The following MAP4 variants were observed in gnomAD, a reference collection of about 807,000 sequenced individuals.
MAP4 encodes microtubule-associated protein 4.
A neutral mutation model predicts 170.2 loss-of-function variants in MAP4; 76 were observed. The observed-to-expected ratio is 0.45, with a 90% CI of 0.37 to 0.54. The LOEUF is 0.54. MAP4 is among the 20% of genes least tolerant of loss of function. The pLI, the probability that MAP4 is intolerant of heterozygous loss-of-function variation, is 0.00. For synonymous variants in MAP4, 909 were observed against 994.5 expected (o/e 0.91, Z 1.62); for missense variants, 2,506 against 2,748.0 (o/e 0.91, Z 1.97).
intron 1 of MAP4, among the ~76,000 whole-genome samples, chr3:48,027,929 A>G (rs2100113960): frequency 6.6e-6 from 1 of 152,216 alleles, no homozygotes. Context: ...GCCTCTGTAG[A>G]TACCCATTCA....
At chr3:47,866,319 AG>A (rs2079887012) in intron 17 of MAP4, among the ~76,000 whole-genome samples, 1 of 151,884 alleles carries the variant, frequency 6.6e-6, no homozygotes, top group Non-Finnish European at 1.5e-5. Context: ...CCTGGGCAAC[AG>A]AGTGAACTCT....
intron 1 of MAP4, among the ~76,000 whole-genome samples, chr3:48,073,412 G>C (rs369934826): frequency 5.9e-5 from 9 of 151,710 alleles, no homozygotes; most frequent in African/African-American, 2.2e-4. Context: ...GGGAGTATGA[G>C]ATCAGCCTGA....
At chr3:48,030,798 CAAAAAAAAAAAAAAAA>C (rs71625847) in intron 1 of MAP4, among the ~76,000 whole-genome samples, 1 of 29,062 alleles carries the variant, frequency 3.4e-5, no homozygotes, top group Non-Finnish European at 6.4e-5. Context: ...GACTCCATCT[CAAAAAAAAAAAAAAAA>C]AAAAAAAAAA....
At chr3:48,030,776 G>A (rs2100115639) in intron 1 of MAP4, among the ~76,000 whole-genome samples, 1 of 130,572 alleles carries the variant, frequency 7.7e-6, no homozygotes, top group Non-Finnish European at 1.6e-5. Flanking sequence ...TCCAGCCTGG[G>A]CGACAGAGTA....
chr3:47,984,669 TA>T lies in MAP4; in HGVS notation c.224-6737del, dbSNP rs534215967. Among the ~76,000 whole-genome samples the T allele has an allele frequency of 9.4e-3, 1,354 of 143,368 alleles. 3 individuals are homozygous for T. Among genetic ancestry groups the T allele is most frequent in the Non-Finnish European group, 0.013 (813 of 64,916 alleles). 94.1% of individuals were successfully genotyped at this position (143,368 alleles called of 152,430 possible). A position where few individuals can be genotyped will look rare whatever the true frequency, so the allele number is the denominator to read the frequency against. On this transcript the variant is annotated intron_variant, in intron 2 of 20. Coordinates refer to ENST00000683076, the MANE Select transcript of MAP4 (RefSeq NM_001385682.1). ...TAACATCACAAAACCCTGTCTCTAT[TA>T]AAAAAAAAAAAATACACAAATTAAC...
intron 10 of MAP4, among the ~76,000 whole-genome samples, chr3:47,889,803 C>T (rs530709113): frequency 2.5e-4 from 38 of 152,188 alleles, no homozygotes; most frequent in Non-Finnish European, 2.9e-4. Flanking sequence ...AAGGAAGCAA[C>T]AGCATGGGAC....
chr3:47,977,048 A>T (rs1376938397), intron 3 of MAP4, among the ~76,000 whole-genome samples: 3 of 152,184 alleles, frequency 2.0e-5, no homozygotes, highest in Non-Finnish European at 4.4e-5. Flanking sequence ...AATAATATGA[A>T]TCAAATGTAT....
In MAP4 at chr3:47,947,704, G is replaced by A. The variant is rs191167033; in HGVS notation, c.293-19354C>T. 1.1e-4 allele frequency among the ~76,000 whole-genome samples: 17 copies of A among 151,230 alleles called. No homozygotes were observed. In the East Asian group the frequency reaches 2.8e-3, roughly 25 times the overall value. On this transcript the variant is annotated intron_variant, in intron 3 of 20. Transcript: ENST00000683076. ...TGGGCGCCTGTAGTCCCAGTTACTC[G>A]GGAGGCTGAGGCAAGAGAATTGCTT... is the stretch of plus-strand genomic sequence containing the variant.
chr3:47,937,470 T>C (rs1365926567), intron 3 of MAP4, among the ~76,000 whole-genome samples: 2 of 152,142 alleles, frequency 1.3e-5, no homozygotes, highest in African/African-American at 4.8e-5. Flanking sequence ...ATAGGATTAA[T>C]ATATTTGTCT....
At chr3:47,861,334 T>G (rs1576676935) in intron 17 of MAP4, among the ~76,000 whole-genome samples, 2 of 148,464 alleles carry the variant, frequency 1.3e-5, no homozygotes, top group Non-Finnish European at 3.0e-5. Context: ...CCACCCTGGG[T>G]GACAAAACGA....
upstream of MAP4, among the ~76,000 whole-genome samples, chr3:48,019,545 A>G (rs1437147674): frequency 6.6e-6 from 1 of 152,160 alleles, no homozygotes; most frequent in African/African-American, 2.4e-5. Flanking sequence ...AAGAATATTC[A>G]TACTTGATCA....
At chr3:47,870,514 CCT>C (rs1203418014) in intron 15 of MAP4, among the ~76,000 whole-genome samples, 7 of 152,170 alleles carry the variant, frequency 4.6e-5, no homozygotes, top group Non-Finnish European at 7.3e-5. Flanking sequence ...TCTGAGGCCT[CCT>C]CTGTTTCTTC....
intron 3 of MAP4, among the ~76,000 whole-genome samples, chr3:47,956,192 C>T (rs1483074297): frequency 6.6e-6 from 1 of 152,030 alleles, no homozygotes; most frequent in Non-Finnish European, 1.5e-5. Context: ...AAAATTCAAG[C>T]AGGTCCAGAA....
chr3:47,886,748 C>G (rs1046505125), intron 10 of MAP4, among the ~76,000 whole-genome samples: 5 of 152,242 alleles, frequency 3.3e-5, no homozygotes, highest in African/African-American at 1.2e-4. Context: ...GCTGGGAAAA[C>G]CAGCCTCACA....
At chr3:47,891,981 T>A (rs1404129871) in intron 10 of MAP4, 48 of 1,536,210 alleles carry the variant, frequency 3.1e-5, no homozygotes, top group Admixed American at 3.9e-5. Flanking sequence ...CTGGTAGGGA[T>A]GTCAGCAGCC....
At chr3:48,054,305 A>G (rs564011786) in intron 1 of MAP4, among the ~76,000 whole-genome samples, 2 of 151,252 alleles carry the variant, frequency 1.3e-5, no homozygotes, top group African/African-American at 4.9e-5. Flanking sequence ...TCAAAAAACA[A>G]AAAAAACAAA....
At chr3:48,005,084 AGGCACGGT>A (rs1416413061) in intron 1 of MAP4, among the ~76,000 whole-genome samples, 1 of 152,152 alleles carries the variant, frequency 6.6e-6, no homozygotes, top group African/African-American at 2.4e-5. Flanking sequence ...GTTCTCGGCC[AGGCACGGT>A]GGCTCACGCC....
At chr3:48,040,171 C>T (rs2100120888) in intron 1 of MAP4, among the ~76,000 whole-genome samples, 1 of 152,216 alleles carries the variant, frequency 6.6e-6, no homozygotes, top group Non-Finnish European at 1.5e-5. Flanking sequence ...ATAAAGCCTT[C>T]ATAAGAACAT....
chr3:48,065,995 A>G (rs1161850919), intron 1 of MAP4, among the ~76,000 whole-genome samples: 4 of 152,134 alleles, frequency 2.6e-5, no homozygotes, highest in African/African-American at 7.2e-5. Flanking sequence ...CAATAAACTG[A>G]AAGAAAATAA....
Sources: allele counts gnomAD v4.1 joint callset (sites outside exome capture counted in the v4.1 genomes callset), GRCh38; gene constraint gnomAD v4.1.1; transcripts MANE v1.5; gene names NCBI Gene and HGNC (gene_info 2026-07-23, HGNC 2026-07-21).